CCDC192: variants seen among roughly 807,000 people sequenced by gnomAD.
CCDC192 encodes coiled-coil domain-containing protein 192.
chr5:127,830,946 T>A (rs1482755970), intron 5 of CCDC192, among the ~76,000 whole-genome samples: 1 of 152,154 alleles, frequency 6.6e-6, no homozygotes, highest in Non-Finnish European at 1.5e-5. Flanking sequence ...CCTAACTGAG[T>A]ATCTGTTAAT....
intron 5 of CCDC192, among the ~76,000 whole-genome samples, chr5:127,852,988 G>T (rs918671863): frequency 7.9e-5 from 12 of 152,176 alleles, no homozygotes; most frequent in African/African-American, 2.9e-4. Context: ...TACTCAGGAG[G>T]CTGAGGCAGG....
At chr5:127,831,525 G>T (rs1749796845) in intron 5 of CCDC192, among the ~76,000 whole-genome samples, 1 of 152,044 alleles carries the variant, frequency 6.6e-6, no homozygotes, top group Non-Finnish European at 1.5e-5. Context: ...TTGTGTGTGT[G>T]TGTTTTTTAA....
intron 3 of CCDC192, among the ~76,000 whole-genome samples, chr5:127,780,873 G>C (rs764742079): frequency 6.6e-6 from 1 of 152,224 alleles, no homozygotes; most frequent in Non-Finnish European, 1.5e-5. Context: ...TTTGCTTTTG[G>C]GTTCTTGGTC....
intron 2 of CCDC192, among the ~76,000 whole-genome samples, chr5:127,722,531 G>A (rs755364173): frequency 6.6e-6 from 1 of 151,958 alleles, no homozygotes; most frequent in Non-Finnish European, 1.5e-5. Flanking sequence ...AGAAATATTT[G>A]CCCAGAACAA....
intron 6 of CCDC192, among the ~76,000 whole-genome samples, chr5:127,923,688 C>T (rs1037550280): frequency 6.6e-6 from 1 of 152,094 alleles, no homozygotes; most frequent in Non-Finnish European, 1.5e-5. Flanking sequence ...TTTCATTAGT[C>T]TTAACCAATC....
At chr5:127,873,246 G>T (rs117517589) in intron 5 of CCDC192, among the ~76,000 whole-genome samples, 1 of 152,214 alleles carries the variant, frequency 6.6e-6, no homozygotes, top group East Asian at 1.9e-4. Flanking sequence ...ATACATATCT[G>T]CATATGAATA....
chr5:127,937,229 T>A (rs1754211458), intron 6 of CCDC192, among the ~76,000 whole-genome samples: 1 of 152,162 alleles, frequency 6.6e-6, no homozygotes, highest in Admixed American at 6.5e-5. Context: ...AACAGTACAA[T>A]GGGAATCCTC....
intron 3 of CCDC192, chr5:127,785,513 T>C: frequency 1.1e-5 from 2 of 186,598 alleles, no homozygotes; most frequent in Non-Finnish European, 2.3e-5. Context: ...CTGCCTTCCC[T>C]TAGAGTTGGA....
chr5:127,714,503 C>T (rs1371551923), intron 2 of CCDC192, among the ~76,000 whole-genome samples: 1 of 152,156 alleles, frequency 6.6e-6, no homozygotes, highest in African/African-American at 2.4e-5. Context: ...ATTCTCCTGC[C>T]TTAGCCTCCT....
chr5:127,810,405 C>T (rs73345093), intron 5 of CCDC192, among the ~76,000 whole-genome samples: 5 of 152,120 alleles, frequency 3.3e-5, no homozygotes, highest in African/African-American at 7.2e-5. Context: ...ACTGGTCATA[C>T]GTGGAAGTGG....
chr5:127,809,678 C>T (rs997226123), intron 5 of CCDC192, among the ~76,000 whole-genome samples: 1 of 152,138 alleles, frequency 6.6e-6, no homozygotes, highest in Non-Finnish European at 1.5e-5. Context: ...GCTAGTATTG[C>T]ATATAGTTTT....
chr5:127,906,943 A>G (rs1753213466), intron 6 of CCDC192, among the ~76,000 whole-genome samples: 1 of 152,152 alleles, frequency 6.6e-6, no homozygotes, highest in Non-Finnish European at 1.5e-5. Flanking sequence ...ACCATTTTAC[A>G]TTCTTATCAG....
Position 127,932,162 on chromosome 5 carries a change from A to G in CCDC192, c.536-9020A>G, listed in dbSNP as rs1394863004. Among the ~76,000 whole-genome samples, 3 of 151,974 alleles carry G rather than the reference A, an allele frequency of 2.0e-5. No individual in the cohort carries two copies. In the South Asian group the frequency reaches 6.2e-4, roughly 32 times the overall value. On this transcript the variant is annotated intron_variant, in intron 6 of 6. Coordinates refer to ENST00000514853, the MANE Select transcript of CCDC192 (RefSeq NM_001317938.2). ...GAGTGAGACTCCGTCTCAAAAAAAA[A>G]AAAAAAAAGTAAACTCAGTGATATT...
chr5:127,805,679 C>G (rs974185049), intron 5 of CCDC192, among the ~76,000 whole-genome samples: 2 of 152,070 alleles, frequency 1.3e-5, no homozygotes, highest in Non-Finnish European at 2.9e-5. Context: ...TATTTATGAA[C>G]AGAAGCAGGT....
intron 5 of CCDC192, among the ~76,000 whole-genome samples, chr5:127,870,606 AC>A (rs1751811701): frequency 6.6e-6 from 1 of 152,348 alleles, no homozygotes; most frequent in South Asian, 2.1e-4. Flanking sequence ...AACACGGATG[AC>A]AGGTTTCATC....
At chr5:127,900,420 G>A (rs1753007195) in intron 6 of CCDC192, among the ~76,000 whole-genome samples, 1 of 152,192 alleles carries the variant, frequency 6.6e-6, no homozygotes, top group East Asian at 1.9e-4. Flanking sequence ...CTGTTAATGG[G>A]ATGTGGCCAG....
Position 127,937,132 on chromosome 5 carries a change from CTAG to C in CCDC192, c.536-4044_536-4042del, listed in dbSNP as rs1207181990. On this transcript the variant is annotated intron_variant, in intron 6 of 6. Coordinates refer to ENST00000514853, the MANE Select transcript of CCDC192 (RefSeq NM_001317938.2). Reference sequence around the variant, plus strand: ...TTTGTGTTTTATATGTGTAAAGAGACTAGTAGTAAAATATACTTGTATGAGAAT... The same window carrying C: ...TTTGTGTTTTATATGTGTAAAGAGACTAGTAAAATATACTTGTATGAGAAT... Among the ~76,000 whole-genome samples, 3 of 152,144 alleles carry C rather than the reference CTAG, an allele frequency of 2.0e-5. No individual in the cohort carries two copies. The South Asian group carries it at 6.2e-4, about 32-fold the overall frequency.
chr5:127,798,746 AAT>A (rs748612516), intron 5 of CCDC192, among the ~76,000 whole-genome samples: 17 of 150,194 alleles, frequency 1.1e-4, no homozygotes, highest in Non-Finnish European at 8.9e-5. Flanking sequence ...ACATATATTT[AAT>A]ATATATTATT....
intron 6 of CCDC192, chr5:127,935,433 G>A (rs1363873287): frequency 6.6e-6 from 1 of 152,060 alleles, no homozygotes; most frequent in Admixed American, 6.6e-5. Flanking sequence ...AATCAAAAGG[G>A]GAATATCCCT....
Sources: allele counts gnomAD v4.1 joint callset (sites outside exome capture counted in the v4.1 genomes callset), GRCh38; gene constraint gnomAD v4.1.1; transcripts MANE v1.5; gene names NCBI Gene and HGNC (gene_info 2026-07-23, HGNC 2026-07-21).